The following NKIRAS1 variants were observed in gnomAD, a reference collection of about 807,000 sequenced individuals.
NKIRAS1 encodes the protein NFKB inhibitor interacting Ras like 1.
A neutral mutation model predicts 19.8 loss-of-function variants in NKIRAS1; 16 were observed. The observed-to-expected ratio is 0.81, with a 90% CI of 0.55 to 1.23. The LOEUF is 1.23. Ranked by LOEUF, NKIRAS1 falls within the 50% of genes most tolerant of loss-of-function variation. The pLI is 0.00. For missense variants in NKIRAS1, 184 were observed against 220.0 expected, an observed-to-expected ratio of 0.84 and a Z score of 1.04; for synonymous variants, 88 against 79.0, an observed-to-expected ratio of 1.11 and a Z score of -0.61.
At chr3:23,919,475 A>T, upstream of NKIRAS1, 3 of 1,594,172 alleles carry the variant, frequency 1.9e-6, no homozygotes, top group Non-Finnish European at 2.6e-6. Flanking sequence ...AAGGCGCAAT[A>T]CTCTCCAGCT....
intron 1 of NKIRAS1, chr3:23,915,833 A>C (rs563625624): frequency 3.3e-5 from 5 of 152,310 alleles, no homozygotes; most frequent in African/African-American, 1.2e-4. Flanking sequence ...ACCTTCTCTC[A>C]AAGACTTAAC....
upstream of NKIRAS1, chr3:23,921,570 G>GTTATTTTT: frequency 2.0e-6 from 1 of 508,322 alleles, no homozygotes; most frequent in Non-Finnish European, 3.5e-6. Flanking sequence ...TGATTATTGA[G>GTTATTTTT]TTTTTTTTTT....
upstream of NKIRAS1, chr3:23,918,369 T>C: frequency 1.3e-6 from 2 of 1,525,102 alleles, no homozygotes; most frequent in South Asian, 1.2e-5. Flanking sequence ...GGAGTATTAG[T>C]GACAAGCCAT....
chr3:23,930,379 G>T (rs1705287086), intron 1 of NKIRAS1, among the ~76,000 whole-genome samples: 2 of 152,106 alleles, frequency 1.3e-5, no homozygotes, highest in African/African-American at 2.4e-5. Flanking sequence ...CAAGGATGAT[G>T]TGTCTGAAGC....
intron 4 of NKIRAS1, among the ~76,000 whole-genome samples, chr3:23,894,181 G>A (rs201164830): frequency 1.3e-5 from 2 of 152,232 alleles, no homozygotes; most frequent in African/African-American, 4.8e-5. Flanking sequence ...GCGCGTGACA[G>A]AATACAGCAG....
chr3:23,901,663 A>G (rs1290662302), intron 3 of NKIRAS1, among the ~76,000 whole-genome samples: 1 of 152,218 alleles, frequency 6.6e-6, no homozygotes, highest in Non-Finnish European at 1.5e-5. Flanking sequence ...CAAATATTCA[A>G]TAAGCCCTTA....
chr3:23,918,643 A>C (rs1159976588), upstream of NKIRAS1: 1 of 1,550,292 alleles, frequency 6.5e-7, no homozygotes, highest in Non-Finnish European at 8.7e-7. Context: ...GAGATTAAGC[A>C]ACTTTTCTGA....
chr3:23,920,827 T>G, upstream of NKIRAS1: 2 of 924,944 alleles, frequency 2.2e-6, no homozygotes, highest in Middle Eastern at 5.5e-4. Flanking sequence ...AAGGAATAAA[T>G]GTCTATTAAA....
Position 23,945,756 on chromosome 3 carries a change from C to T in NKIRAS1, c.-140+567G>A, listed in dbSNP as rs562579895. ...CTCTGGCTCGGTTCCCATCGCCCCC[C>T]GGGCCGCCCGGCGCCCGCCCTCTTG... is the stretch of plus-strand genomic sequence containing the variant. On this transcript the variant is annotated intron_variant, in intron 1 of 4. Coordinates refer to the NKIRAS1 transcript ENST00000421515. Among the ~76,000 whole-genome samples the T allele has an allele frequency of 4.7e-5, 7 of 150,376 alleles. No individual in the cohort carries two copies. The South Asian group carries it at 1.5e-3, about 31-fold the overall frequency.
chr3:23,911,013 T>G, intron 2 of NKIRAS1, 92 bp from the exon 3 acceptor site: 2 of 926,392 alleles, frequency 2.2e-6, no homozygotes, highest in Non-Finnish European at 3.4e-6. Flanking sequence ...ATGTAACACA[T>G]GCACAGGGGA....
chr3:23,912,046 G>T (rs1703799063), intron 1 of NKIRAS1, among the ~76,000 whole-genome samples: 1 of 150,376 alleles, frequency 6.6e-6, no homozygotes, highest in South Asian at 2.1e-4. Flanking sequence ...TTACAGGCGT[G>T]AGCTACTGCG....
intron 3 of NKIRAS1, 24 bp downstream of exon 3, chr3:23,910,787 C>A (rs1703620941): frequency 6.4e-6 from 10 of 1,571,416 alleles, no homozygotes; most frequent in South Asian, 2.2e-5. Context: ...AACCTAGAGA[C>A]AAACTAGAGA....
At chr3:23,921,349 T>C (rs76525721), upstream of NKIRAS1, among the ~76,000 whole-genome samples, 3,529 of 152,270 alleles carry the variant, frequency 0.023, 157 homozygotes, top group African/African-American at 0.08. Flanking sequence ...CTTCCCACTT[T>C]ATGTGTGACC....
chr3:23,890,112 A>G lies in NKIRAS1; in HGVS notation c.*2983T>C, dbSNP rs370662306. Among the ~76,000 whole-genome samples, 2 of 152,352 alleles carry G rather than the reference A, an allele frequency of 1.3e-5. No individual in the cohort carries two copies. Among genetic ancestry groups the G allele is most frequent in the South Asian group, 4.1e-4 (2 of 4,828 alleles). On this transcript the variant is annotated 3_prime_UTR_variant, in exon 5 of 5. Coordinates refer to ENST00000425478, the MANE Select transcript of NKIRAS1 (RefSeq NM_020345.4). Reference sequence around the variant, plus strand: ...CAGCCCCGAAGACTTCACAGTATTCACAATGCCGTTAACTGGTGACATTGA... The same window carrying G: ...CAGCCCCGAAGACTTCACAGTATTCGCAATGCCGTTAACTGGTGACATTGA...
At chr3:23,925,663 T>G (rs939009221) in intron 1 of NKIRAS1, among the ~76,000 whole-genome samples, 1 of 139,784 alleles carries the variant, frequency 7.2e-6, no homozygotes, top group African/African-American at 2.9e-5. Flanking sequence ...TAAATAAATG[T>G]ACTTTTACTC....
chr3:23,931,956 G>A (rs566176219), intron 1 of NKIRAS1, among the ~76,000 whole-genome samples: 1 of 152,328 alleles, frequency 6.6e-6, no homozygotes, highest in East Asian at 1.9e-4. Context: ...TTAGTCAGCA[G>A]AGCCTGCTGC....
chr3:23,917,670 C>T (rs1704714122), upstream of NKIRAS1: 1 of 601,430 alleles, frequency 1.7e-6, no homozygotes, highest in Non-Finnish European at 2.9e-6. Context: ...GCGGAAGTGA[C>T]TGAACGCGGC....
At chr3:23,920,361 G>T, upstream of NKIRAS1, 1 of 985,396 alleles carries the variant, frequency 1.0e-6, no homozygotes, top group East Asian at 1.1e-4. Context: ...ATAGGCTACA[G>T]AAAAAGTCAC....
upstream of NKIRAS1, chr3:23,919,735 T>C (rs1438063962): frequency 7.5e-7 from 1 of 1,327,776 alleles, no homozygotes; most frequent in Non-Finnish European, 9.6e-7. Flanking sequence ...TGTATGTCAG[T>C]GTATAAAACA....
Sources: gnomAD v4.1 joint callset for allele counts (sites outside exome capture counted in the v4.1 genomes callset) on GRCh38, gnomAD v4.1.1 for gene constraint, MANE v1.5 for transcripts, NCBI Gene and HGNC (gene_info 2026-07-23, HGNC 2026-07-21) for gene names.